Variants in ANGPT4 observed in about 807,000 individuals in gnomAD.
The protein encoded by ANGPT4 is angiopoietin 4, also known as angiopoietin-4.
Under a neutral mutation model 53.0 loss-of-function variants are expected in ANGPT4, and 50 were observed. The ratio of observed to expected loss-of-function variants is 0.94; its 90% CI spans 0.75 to 1.20. The LOEUF is 1.20. Ranked by LOEUF, ANGPT4 falls within the 50% of genes most tolerant of loss-of-function variation. The pLI is 0.00. For synonymous variants in ANGPT4, 251 were observed against 259.7 expected (o/e 0.97, Z 0.32); for missense variants, 648 against 637.1 (o/e 1.02, Z -0.18).
At chr20:904,212 A>C (rs1444207893) in intron 1 of ANGPT4, among the ~76,000 whole-genome samples, 1 of 152,216 alleles carries the variant, frequency 6.6e-6, no homozygotes, top group African/African-American at 2.4e-5. Context: ...CCCTCCCTAC[A>C]GGCCACTGAG....
intron 1 of ANGPT4, among the ~76,000 whole-genome samples, chr20:909,635 A>G (rs3787569): frequency 0.24 from 36,450 of 152,134 alleles, 4,571 homozygotes; most frequent in African/African-American, 0.31. Context: ...AATCTCCTCA[A>G]TAACCTGCAA....
intron 1 of ANGPT4, among the ~76,000 whole-genome samples, chr20:909,094 C>A (rs1452694334): frequency 2.0e-5 from 3 of 152,124 alleles, no homozygotes; most frequent in Non-Finnish European, 2.9e-5. Context: ...ACGAACTCAC[C>A]TCCCTCACTT....
At chr20:886,991 A>G (rs909847937) in intron 3 of ANGPT4, among the ~76,000 whole-genome samples, 1 of 152,240 alleles carries the variant, frequency 6.6e-6, no homozygotes, top group Non-Finnish European at 1.5e-5. Context: ...TGCCTGACAC[A>G]TGAAAAGAGT....
At chr20:877,197 T>C (rs1600041100) in intron 7 of ANGPT4, among the ~76,000 whole-genome samples, 1 of 152,330 alleles carries the variant, frequency 6.6e-6, no homozygotes, top group Middle Eastern at 3.4e-3. Context: ...AGATTCCTTG[T>C]GGGGAAGCGA....
Position 881,268 on chromosome 20 carries a change from T to G in ANGPT4, c.854A>C (p.Glu285Ala), listed in dbSNP as rs755508382. 6.2e-7 allele frequency: 1 copy of G among 1,614,096 alleles called. No individual in the cohort carries two copies. Among genetic ancestry groups the G allele is most frequent in the Middle Eastern group, 1.7e-4 (1 of 6,060 alleles). Residue 285 changes from glutamate to alanine, a missense_variant, in exon 5 of 9, where the codon GAG (glutamate) becomes GCG (alanine). Transcript: ENST00000381922. ...ASAPAFIMAG[E>A]QVFQDCAEIQ... is the part of the protein sequence containing the mutation. ...CTCTGCACAGTCCTGGAACACCTGC[T>G]CACCTGCCATTATGAAGGCTGCAAA...
At chr20:901,224 A>G (rs1326708847) in intron 1 of ANGPT4, among the ~76,000 whole-genome samples, 1 of 152,170 alleles carries the variant, frequency 6.6e-6, no homozygotes, top group Non-Finnish European at 1.5e-5. Flanking sequence ...AGAAGACAGG[A>G]ATGTCAGGCC....
intron 1 of ANGPT4, among the ~76,000 whole-genome samples, chr20:891,972 AC>A (rs1441392248): frequency 1.3e-5 from 2 of 152,074 alleles, no homozygotes; most frequent in Admixed American, 1.3e-4. Flanking sequence ...GTGGTTAACA[AC>A]ACCCCTGGCT....
chr20:906,024 T>A (rs965592233), intron 1 of ANGPT4, among the ~76,000 whole-genome samples: 12 of 152,348 alleles, frequency 7.9e-5, no homozygotes, highest in African/African-American at 2.6e-4. Flanking sequence ...CTCGGTGGGC[T>A]GCTTGTGGCA....
chr20:907,192 C>T (rs1343257300), intron 1 of ANGPT4, among the ~76,000 whole-genome samples: 1 of 152,192 alleles, frequency 6.6e-6, no homozygotes, highest in Non-Finnish European at 1.5e-5. Context: ...AGGCCTAGCA[C>T]AGTGCCTGGC....
At position 916,315 on chromosome 20, in the gene ANGPT4, G is replaced by T. The variant is rs945525695; in HGVS notation, c.-101C>A. On this transcript the variant is annotated 5_prime_UTR_variant, in exon 1 of 9. Coordinates refer to ENST00000381922, the MANE Select transcript of ANGPT4 (RefSeq NM_015985.4). Reference sequence around the variant, plus strand: ...ACAGTGGCCAGGCTTGCCTGCAGCTGCAGCTACAAACCTCTGTCTGGCCGA... The same window carrying T: ...ACAGTGGCCAGGCTTGCCTGCAGCTTCAGCTACAAACCTCTGTCTGGCCGA... The T allele has an allele frequency of 1.2e-5, 16 of 1,304,750 alleles. No homozygotes were observed. Among genetic ancestry groups the T allele is most frequent in the Non-Finnish European group, 1.6e-5 (15 of 945,686 alleles). The allele number at this position is 1,304,750 out of a possible 1,614,324, so 80.8% of individuals were successfully genotyped here.
chr20:901,716 C>T (rs769777098), intron 1 of ANGPT4, among the ~76,000 whole-genome samples: 9 of 152,140 alleles, frequency 5.9e-5, no homozygotes, highest in Non-Finnish European at 1.3e-4. Context: ...ATTTGGAGAC[C>T]AGCCTGGGTA....
chr20:895,361 T>C (rs1333984668), intron 1 of ANGPT4, among the ~76,000 whole-genome samples: 1 of 152,198 alleles, frequency 6.6e-6, no homozygotes, highest in Admixed American at 6.5e-5. Flanking sequence ...CCTGGTCTAC[T>C]GCCCCATCCC....
At chr20:873,496 T>C (rs1981034431) in intron 8 of ANGPT4, among the ~76,000 whole-genome samples, 1 of 151,990 alleles carries the variant, frequency 6.6e-6, no homozygotes, top group Non-Finnish European at 1.5e-5. Flanking sequence ...TCTGAGTCTC[T>C]CACTCTCCAG....
At chr20:884,413 AC>A (rs764381812) in intron 4 of ANGPT4, among the ~76,000 whole-genome samples, 18 of 152,192 alleles carry the variant, frequency 1.2e-4, no homozygotes, top group Admixed American at 2.0e-4. Flanking sequence ...TATCCCCAGC[AC>A]CCAGCACTGG....
intron 1 of ANGPT4, among the ~76,000 whole-genome samples, chr20:897,926 G>T (rs1982119745): frequency 6.6e-6 from 1 of 152,048 alleles, no homozygotes; most frequent in Admixed American, 6.6e-5. Flanking sequence ...TGTTCTAAAT[G>T]GCCAGAAAAC....
At chr20:905,719 A>G (rs1982452549) in intron 1 of ANGPT4, among the ~76,000 whole-genome samples, 1 of 152,090 alleles carries the variant, frequency 6.6e-6, no homozygotes, top group Non-Finnish European at 1.5e-5. Flanking sequence ...CCTCCAACCA[A>G]CTCATTCAGA....
At position 885,145 on chromosome 20, in the gene ANGPT4, G is replaced by A; in HGVS notation, c.768C>T (p.His256=). ...ACAACACCAGCAGCTGGCGCAGGCT[G>A]TGCTGCTGGTCCTGCAGGAGGCTGG... ...HNSSLLQDQQ[H]SLRQLLVLLR... The change falls in exon 4 of 9, where the codon CAC becomes CAT. Residue 256 remains histidine, a synonymous_variant. Transcript: ENST00000381922. 1 of 1,611,984 alleles carries A rather than the reference G, an allele frequency of 6.2e-7. No homozygotes were observed. Among genetic ancestry groups the A allele is most frequent in the South Asian group, 1.1e-5 (1 of 90,668 alleles).
intron 1 of ANGPT4, among the ~76,000 whole-genome samples, chr20:902,573 A>G (rs558949205): frequency 1.2e-4 from 18 of 152,310 alleles, no homozygotes; most frequent in African/African-American, 4.3e-4. Context: ...CCCACCACTC[A>G]GTCTTGTTAT....
rs557484697 is a variant in ANGPT4, at chr20:889,479, T to A, written c.465+734A>T. 3.3e-5 allele frequency among the ~76,000 whole-genome samples: 5 copies of A among 152,266 alleles called. No homozygotes were observed. In the South Asian group the frequency reaches 1.0e-3, roughly 32 times the overall value. ...TAGGCAGTTATAACACAGTGGGAAGTATTTGTGTATGCATATCTAAACACA... is the reference window on the plus strand; with the variant it reads ...TAGGCAGTTATAACACAGTGGGAAGAATTTGTGTATGCATATCTAAACACA... On this transcript the variant is annotated intron_variant, in intron 2 of 8. Transcript: ENST00000381922.
Sources: allele counts gnomAD v4.1 joint callset (sites outside exome capture counted in the v4.1 genomes callset), GRCh38; gene constraint gnomAD v4.1.1; transcripts MANE v1.5; gene names NCBI Gene and HGNC (gene_info 2026-07-23, HGNC 2026-07-21).